RBFOX3: variants seen among roughly 807,000 people sequenced by gnomAD.
RBFOX3 encodes the protein RNA binding protein fox-1 homolog 3.
Under a neutral mutation model 48.7 loss-of-function variants are expected in RBFOX3, and 17 were observed. The ratio of observed to expected loss-of-function variants is 0.35; its 90% CI spans 0.24 to 0.52. The LOEUF (loss-of-function observed/expected upper bound fraction) is 0.52, where lower values mean the gene tolerates loss of function less well. RBFOX3 is among the 20% of genes least tolerant of loss of function. The pLI is 0.94. For synonymous variants in RBFOX3, 212 were observed against 209.5 expected, an observed-to-expected ratio of 1.01 and a Z score of -0.10; for missense variants, 382 against 497.5, an observed-to-expected ratio of 0.77 and a Z score of 2.21.
intron 2 of RBFOX3, among the ~76,000 whole-genome samples, chr17:79,400,251 G>T (rs954915752): frequency 3.0e-4 from 45 of 152,250 alleles, no homozygotes; most frequent in African/African-American, 9.6e-4. Context: ...CAAGGGGTCA[G>T]CAGGGCCAAG....
chr17:79,124,233 G>A (rs1379494326), intron 4 of RBFOX3, among the ~76,000 whole-genome samples: 3 of 152,314 alleles, frequency 2.0e-5, no homozygotes, highest in African/African-American at 7.2e-5. Context: ...GCTGGATTGG[G>A]ATTTGTCACA....
At chr17:79,270,425 C>T (rs2067457581) in intron 3 of RBFOX3, among the ~76,000 whole-genome samples, 1 of 152,216 alleles carries the variant, frequency 6.6e-6, no homozygotes, top group Non-Finnish European at 1.5e-5. Context: ...CAAGAGCGGG[C>T]ACCCCCTCCC....
chr17:79,620,754 A>C, the RBFOX3 span, among the ~76,000 whole-genome samples: 1 of 152,118 alleles, frequency 6.6e-6, no homozygotes, highest in African/African-American at 2.4e-5. Context: ...GCCCTCCTGG[A>C]ACCCCACATG....
At chr17:79,147,886 G>A (rs2043376459) in intron 4 of RBFOX3, among the ~76,000 whole-genome samples, 1 of 152,262 alleles carries the variant, frequency 6.6e-6, no homozygotes, top group Admixed American at 6.5e-5. Flanking sequence ...AGGCTGTGAA[G>A]GGGAAGAAAA....
rs1032325136 is a variant in RBFOX3 at position 79,212,110 on chromosome 17, G to A, written c.-34+23656C>T. ...GGGAAATTGACCAGCGCCCAAAGAC[G>A]GGCCCACCTGGGCATCTTCGACCAT... On this transcript the variant is annotated intron_variant, in intron 4 of 14. Transcript: ENST00000693108. The surrounding 1 kb of genome is among the most constrained non-coding windows in gnomAD (Gnocchi z 4.7). Among the ~76,000 whole-genome samples, 2 of 152,316 alleles carry A rather than the reference G, an allele frequency of 1.3e-5. No homozygotes were observed. Among genetic ancestry groups the A allele is most frequent in the East Asian group, 3.9e-4 (2 of 5,186 alleles).
intron 2 of RBFOX3, among the ~76,000 whole-genome samples, chr17:79,334,217 A>C (rs2080841162): frequency 6.6e-6 from 1 of 151,608 alleles, no homozygotes. Flanking sequence ...CTCTCTCGAG[A>C]CTCCTGTGTC....
the RBFOX3 span, among the ~76,000 whole-genome samples, chr17:79,630,934 G>C: frequency 6.6e-6 from 1 of 152,160 alleles, no homozygotes; most frequent in African/African-American, 2.4e-5. Context: ...ACCCGGAAAA[G>C]CACGACAGCC....
Position 79,280,237 on chromosome 17 carries a change from GCACA to G in RBFOX3, c.-74+27483_-74+27486del, listed in dbSNP as rs10561578. Among the ~76,000 whole-genome samples the G allele has an allele frequency of 1.3e-3, 201 of 149,152 alleles. 5 individuals carry two copies. The South Asian group carries it at 0.026, about 19-fold the overall frequency. On this transcript the variant is annotated intron_variant, in intron 3 of 14. Coordinates refer to ENST00000693108, the MANE Select transcript of RBFOX3 (RefSeq NM_001350451.2). ...CAAACATGCACACACACGCACACATGCACACACACACACATGCACACACCCTCCA... is the reference window on the plus strand; with the variant it reads ...CAAACATGCACACACACGCACACATGCACACACACATGCACACACCCTCCA...
chr17:79,363,123 T>TGGCTCCTGCAGGGGAGATGGAGG lies in RBFOX3; in HGVS notation c.-174-55322_-174-55300dup, dbSNP rs1369757829. 2.6e-5 allele frequency among the ~76,000 whole-genome samples: 4 copies of TGGCTCCTGCAGGGGAGATGGAGG among 152,166 alleles called. No homozygotes were observed. Among genetic ancestry groups the TGGCTCCTGCAGGGGAGATGGAGG allele is most frequent in the Admixed American group, 6.5e-5 (1 of 15,284 alleles). Reference sequence around the variant, plus strand: ...CATAGTGAGCCGCAGGGGAGGCACGTGGCTCCTGCAGGGGAGATGGAGGGG... The same window carrying TGGCTCCTGCAGGGGAGATGGAGG: ...CATAGTGAGCCGCAGGGGAGGCACGTGGCTCCTGCAGGGGAGATGGAGGGGCTCCTGCAGGGGAGATGGAGGGG... On this transcript the variant is annotated intron_variant, in intron 2 of 14. Transcript: ENST00000693108. This position sits in a 1 kb window ranked among gnomAD's most constrained non-coding sequence, Gnocchi z 4.7.
chr17:79,404,565 G>A (rs541202113), intron 2 of RBFOX3, among the ~76,000 whole-genome samples: 33 of 152,256 alleles, frequency 2.2e-4, no homozygotes, highest in Non-Finnish European at 3.8e-4. Context: ...TCTCAGCCCC[G>A]GCGCCCTCTC....
At chr17:79,380,909 C>T (rs997908025) in intron 2 of RBFOX3, among the ~76,000 whole-genome samples, 1 of 152,156 alleles carries the variant, frequency 6.6e-6, no homozygotes, top group African/African-American at 2.4e-5. Context: ...CAGCTCTGTC[C>T]CGTGGAAATG....
At chr17:79,619,657 C>T in the RBFOX3 span, among the ~76,000 whole-genome samples, 1 of 152,132 alleles carries the variant, frequency 6.6e-6, no homozygotes, top group African/African-American at 2.4e-5. Flanking sequence ...TGGGGGGCAG[C>T]TCAACCCACT....
chr17:79,358,280 C>G (rs980823609), intron 2 of RBFOX3, among the ~76,000 whole-genome samples: 1 of 151,996 alleles, frequency 6.6e-6, no homozygotes, highest in Admixed American at 6.6e-5. Context: ...TGGGACCTAA[C>G]AACAGGCACA....
At chr17:79,310,877 G>A (rs2145688509) in intron 2 of RBFOX3, among the ~76,000 whole-genome samples, 1 of 152,240 alleles carries the variant, frequency 6.6e-6, no homozygotes, top group South Asian at 2.1e-4. Context: ...GGGGTCTCGG[G>A]GCATCTGATG....
chr17:79,518,834 C>G (rs1293108174), intron 1 of RBFOX3, among the ~76,000 whole-genome samples: 1 of 152,258 alleles, frequency 6.6e-6, no homozygotes, highest in African/African-American at 2.4e-5. Flanking sequence ...CCCACAGAGG[C>G]TCGCTCCAGC....
At chr17:79,631,761 C>T in the RBFOX3 span, among the ~76,000 whole-genome samples, 1 of 152,178 alleles carries the variant, frequency 6.6e-6, no homozygotes, top group Non-Finnish European at 1.5e-5. Context: ...TGATGGAGAC[C>T]CATCTTCACG....
intron 4 of RBFOX3, among the ~76,000 whole-genome samples, chr17:79,128,907 T>C (rs965293698): frequency 1.3e-5 from 2 of 152,178 alleles, no homozygotes; most frequent in Non-Finnish European, 2.9e-5. Context: ...GAGGTGCTAT[T>C]GCAAATGCCT....
In RBFOX3 at chr17:79,363,904, C is replaced by T. The variant is rs1483694409; in HGVS notation, c.-174-56080G>A. 2.0e-5 allele frequency among the ~76,000 whole-genome samples: 3 copies of T among 152,160 alleles called. No homozygotes were observed. The highest frequency in any genetic ancestry group is 4.4e-5 in the Non-Finnish European group (3 of 68,036). ...AGCCCCTAACTCTCCCCACCTCGTC[C>T]CCCTCACCCACTCCACTCCAGCCAC... is the stretch of plus-strand genomic sequence containing the variant. On this transcript the variant is annotated intron_variant, in intron 2 of 14. Transcript: ENST00000693108. This position sits in a 1 kb window ranked among gnomAD's most constrained non-coding sequence, Gnocchi z 4.7.
At chr17:79,113,013 ACT>A (rs2032583394) in intron 5 of RBFOX3, among the ~76,000 whole-genome samples, 1 of 150,838 alleles carries the variant, frequency 6.6e-6, no homozygotes, top group Non-Finnish European at 1.5e-5. Flanking sequence ...TCAGGAAGAC[ACT>A]CTGACCTAGG....
Sources: gnomAD v4.1 joint callset for allele counts (sites outside exome capture counted in the v4.1 genomes callset) on GRCh38, gnomAD v4.1.1 for gene constraint, Gnocchi (gnomAD v3.1) non-coding constraint, MANE v1.5 for transcripts, NCBI Gene and HGNC (gene_info 2026-07-23, HGNC 2026-07-21) for gene names.